Variants in PPAT observed in about 807,000 individuals in gnomAD.
PPAT encodes amidophosphoribosyltransferase.
In PPAT, 20 loss-of-function variants were observed where a neutral mutation model predicts 60.2. The ratio of observed to expected loss-of-function variants is 0.33; its 90% confidence interval spans 0.23 to 0.48. The LOEUF (loss-of-function observed/expected upper bound fraction) is 0.48. PPAT is among the 20% of genes least tolerant of loss of function. The pLI is 0.99. For synonymous variants in PPAT, 194 were observed against 215.1 expected (o/e 0.90, Z 0.86); for missense variants, 349 against 629.6 (o/e 0.55, Z 4.77).
chr4:56,434,417 A>C (rs1717784387), intron 1 of PPAT, among the ~76,000 whole-genome samples: 2 of 152,232 alleles, frequency 1.3e-5, no homozygotes, highest in Admixed American at 1.3e-4. Context: ...GGAAACTGTA[A>C]TACTTTCAGT....
At position 56,393,690 on chromosome 4, in the gene PPAT, C is replaced by T. The variant is rs3796548; in HGVS notation, c.*1662G>A. The stretch of plus-strand genomic sequence containing the variant: ...TCAGTAAAACAAAAACTACAGAAAA[C>T]GCAAAGTAAAATCAGAGATTTTGGT... On this transcript the variant is annotated 3_prime_UTR_variant, in exon 11 of 11. Coordinates refer to ENST00000264220, the MANE Select transcript of PPAT (RefSeq NM_002703.5). 18,051 of 152,564 alleles carry T rather than the reference C, an allele frequency of 0.12. 1,292 individuals carry two copies. The highest frequency in any genetic ancestry group is 0.22 in the Admixed American group (3,409 of 15,262). The allele number at this position is 152,564 out of a possible 1,614,324, so 9.5% of individuals were successfully genotyped here. A position where few individuals can be genotyped will look rare whatever the true frequency, so the allele number is the denominator to read the frequency against.
rs1715981601 is a variant in PPAT at position 56,396,990 on chromosome 4, G to A, written c.1237-251C>T. 3.7e-6 allele frequency: 1 copy of A among 271,434 alleles called. No individual in the cohort carries two copies. The highest frequency in any genetic ancestry group is 7.3e-5 in the East Asian group (1 of 13,742). The allele number at this position is 271,434 out of a possible 1,614,324, so 16.8% of individuals were successfully genotyped here. ...GAGCCACTTTTCTCTTGTAATACCA[G>A]GTACTTCTGCTTATCCCTTATCTTA... On this transcript the variant is annotated intron_variant, in intron 9 of 10. Coordinates refer to ENST00000264220, the MANE Select transcript of PPAT (RefSeq NM_002703.5). The surrounding 1 kb of genome is among the most constrained non-coding windows in gnomAD (Gnocchi z 4.6).
intron 1 of PPAT, among the ~76,000 whole-genome samples, chr4:56,411,376 A>G (rs1244399625): frequency 2.0e-5 from 3 of 152,266 alleles, no homozygotes; most frequent in Admixed American, 2.0e-4. Flanking sequence ...ACTGTTCTAC[A>G]CTATTTCATT....
chr4:56,415,204 CAATAA>C (rs1716665567), intron 1 of PPAT, among the ~76,000 whole-genome samples: 2 of 151,892 alleles, frequency 1.3e-5, no homozygotes, highest in Admixed American at 6.6e-5. Flanking sequence ...TTTTGTTACT[CAATAA>C]AATAGAAGTG....
chr4:56,422,853 G>A (rs960142989), intron 1 of PPAT: 22 of 152,166 alleles, frequency 1.4e-4, no homozygotes, highest in Admixed American at 1.3e-3. Flanking sequence ...TTCTCCAAGT[G>A]TAGCAGCATC....
At chr4:56,408,582 G>C (rs1183921775) in intron 1 of PPAT, among the ~76,000 whole-genome samples, 1 of 151,110 alleles carries the variant, frequency 6.6e-6, no homozygotes. Context: ...GTGAATCCCC[G>C]TCTCTACTAA....
At chr4:56,432,677 C>T (rs947735146) in intron 1 of PPAT, among the ~76,000 whole-genome samples, 5 of 150,670 alleles carry the variant, frequency 3.3e-5, no homozygotes, top group African/African-American at 9.8e-5. Flanking sequence ...CCCAGCTACT[C>T]GGGAGGCTGA....
In PPAT at chr4:56,423,723, T is replaced by C. The variant is rs1717154866; in HGVS notation, c.128+11627A>G. 2.6e-5 allele frequency among the ~76,000 whole-genome samples: 4 copies of C among 152,016 alleles called. No homozygotes were observed. The South Asian group carries it at 8.3e-4, about 31-fold the overall frequency. On this transcript the variant is annotated intron_variant, in intron 1 of 10. Transcript: ENST00000264220. ...AAATATTTGGAATATATTTAGAAAA[T>C]GTGAAACAGGACAAATGCATAGTCA...
Position 56,400,866 on chromosome 4 carries a change from G to A in PPAT, c.932C>T (p.Ala311Val). Residue 311 changes from alanine to valine, a missense_variant, in exon 8 of 11, where the codon GCG (alanine) becomes GTG (valine). Around this residue, in one of 5 missense-constraint regions of PPAT, gnomAD observed 167 missense variants for 328.6 expected, o/e 0.51. Transcript: ENST00000264220. ...TVRYRCGQQLAIEAPVDADLV... is the reference protein window; with the variant it reads ...TVRYRCGQQLVIEAPVDADLV... ...ATCTGCATCCACAGGTGCTTCAATC[G>A]CTAGCTGCTGGCCACAACGGTATCT... 1.2e-6 allele frequency: 2 copies of A among 1,613,070 alleles called. No individual in the cohort carries two copies. The highest frequency in any genetic ancestry group is 1.7e-6 in the Non-Finnish European group (2 of 1,179,064).
At chr4:56,407,783 A>C in intron 1 of PPAT, 67 bp from the exon 2 acceptor site, 1 of 1,249,578 alleles carries the variant, frequency 8.0e-7, no homozygotes, top group Non-Finnish European at 1.2e-6. Context: ...GAACTTTATC[A>C]AGCATACTTT....
intron 1 of PPAT, among the ~76,000 whole-genome samples, chr4:56,434,682 G>A (rs1454736473): frequency 6.6e-6 from 1 of 152,168 alleles, no homozygotes; most frequent in African/African-American, 2.4e-5. Flanking sequence ...TAGGCAAGAC[G>A]TCTACCAATG....
chr4:56,424,679 G>C lies in PPAT; in HGVS notation c.128+10671C>G, dbSNP rs190071374. On this transcript the variant is annotated intron_variant, in intron 1 of 10. Transcript: ENST00000264220. ...AAGCATAAGCGAGAGAGGATAAAAG[G>C]AATCAAGAAGTTATCAAAGGAGAAA... Among the ~76,000 whole-genome samples, 21 of 152,256 alleles carry C rather than the reference G, an allele frequency of 1.4e-4. No individual in the cohort carries two copies. The East Asian group carries it at 4.1e-3, about 29-fold the overall frequency.
Position 56,403,092 on chromosome 4 carries a change from AT to A in PPAT, c.608del (p.Asn203IlefsTer15). ...TAAGACGACCAATGCATAAGGGACGATTTCCATAAGGATCTCGTACTGCATA... is the reference window on the plus strand; with the variant it reads ...TAAGACGACCAATGCATAAGGGACGATTCCATAAGGATCTCGTACTGCATA... ...VIYAVRDPYGNRPLCIGRLIP... is the reference protein window; with the variant it reads ...VIYAVRDPYGXRPLCIGRLIP... On this transcript the variant is annotated frameshift_variant, in exon 5 of 11. Transcript: ENST00000264220. LOFTEE classifies it high-confidence loss of function. 1 of 1,613,220 alleles carries A rather than the reference AT, an allele frequency of 6.2e-7. No individual in the cohort carries two copies. The highest frequency in any genetic ancestry group is 1.3e-5 in the African/African-American group (1 of 74,986).
intron 2 of PPAT, 92 bp downstream of exon 2, chr4:56,407,558 T>A: frequency 2.0e-6 from 2 of 990,488 alleles, no homozygotes; most frequent in Non-Finnish European, 3.2e-6. Context: ...CCTCAGGTGA[T>A]CCTCCTGCCT....
chr4:56,414,489 A>C (rs1423706749), intron 1 of PPAT, among the ~76,000 whole-genome samples: 3 of 152,204 alleles, frequency 2.0e-5, no homozygotes, highest in Non-Finnish European at 4.4e-5. Flanking sequence ...TTCAGTGGTC[A>C]ATTTCCCCTC....
chr4:56,408,486 A>G (rs1353405910), intron 1 of PPAT, among the ~76,000 whole-genome samples: 1 of 149,554 alleles, frequency 6.7e-6, no homozygotes, highest in Non-Finnish European at 1.5e-5. Context: ...TGCCTTCTCA[A>G]GTGATGAGCT....
At chr4:56,431,970 T>C (rs181424797) in intron 1 of PPAT, among the ~76,000 whole-genome samples, 2 of 152,310 alleles carry the variant, frequency 1.3e-5, no homozygotes, top group Admixed American at 6.5e-5. Flanking sequence ...AAAGCAGAGC[T>C]ACGGAATAAA....
intron 7 of PPAT, 149 bp from the exon 8 acceptor site, chr4:56,401,060 G>A (rs1716096622): frequency 2.2e-5 from 20 of 915,778 alleles, no homozygotes; most frequent in Non-Finnish European, 3.2e-5. Context: ...ACACAAACTG[G>A]GGAACTCAAC....
At chr4:56,402,409 T>G (rs1716134480) in intron 5 of PPAT, among the ~76,000 whole-genome samples, 2 of 152,050 alleles carry the variant, frequency 1.3e-5, no homozygotes, top group African/African-American at 4.8e-5. Flanking sequence ...GATATCTTGA[T>G]AAAAGTGAAA....
Sources: gnomAD v4.1 joint callset for allele counts (sites outside exome capture counted in the v4.1 genomes callset) on GRCh38, gnomAD v4.1.1 for gene constraint, gnomAD v4.1.1 regional missense constraint, Gnocchi (gnomAD v3.1) non-coding constraint, MANE v1.5 for transcripts, NCBI Gene and HGNC (gene_info 2026-07-23, HGNC 2026-07-21) for gene names.